Variants in ILKAP observed in about 807,000 individuals in gnomAD.
ILKAP encodes the protein ILK associated serine/threonine phosphatase.
In ILKAP, 11 loss-of-function variants were observed where a neutral mutation model predicts 49.1. The ratio of observed to expected loss-of-function variants is 0.22; its 90% CI spans 0.14 to 0.37. The LOEUF is 0.37. Among genes scored for constraint, ILKAP ranks in the 10% least tolerant of loss-of-function variants. The pLI, the probability that ILKAP is intolerant of heterozygous loss-of-function variation, is 1.00. For synonymous variants in ILKAP, 186 were observed against 192.8 expected (o/e 0.96, Z 0.29); for missense variants, 363 against 510.8 (o/e 0.71, Z 2.79).
chr2:238,173,762 G>C, intron 9 of ILKAP, 109 bp from the exon 10 acceptor site: 1 of 1,259,044 alleles, frequency 7.9e-7, no homozygotes, highest in African/African-American at 1.5e-5. Flanking sequence ...GATACAGACT[G>C]TGGAATTCAC....
chr2:238,182,035 C>T, intron 9 of ILKAP, 30 bp downstream of exon 9: 1 of 1,611,076 alleles, frequency 6.2e-7, no homozygotes, highest in Non-Finnish European at 8.5e-7. Flanking sequence ...AGCCCTCCTT[C>T]CCATGAGCTC....
chr2:238,184,343 C>T (rs1396857671), intron 6 of ILKAP, among the ~76,000 whole-genome samples: 1 of 152,126 alleles, frequency 6.6e-6, no homozygotes, highest in Non-Finnish European at 1.5e-5. Flanking sequence ...GCGCGCGCAA[C>T]CATGCCAGGC....
intron 1 of ILKAP, among the ~76,000 whole-genome samples, chr2:238,199,404 G>A (rs1367370321): frequency 6.6e-6 from 1 of 152,182 alleles, no homozygotes; most frequent in Non-Finnish European, 1.5e-5. Flanking sequence ...AGTCTACTTC[G>A]CTACACATTC....
rs771871057 is a variant in ILKAP, at chr2:238,170,451, G to C, written c.*85C>G. 13 of 1,398,402 alleles carry C rather than the reference G, an allele frequency of 9.3e-6. No homozygotes were observed. The highest frequency in any genetic ancestry group is 1.2e-5 in the Non-Finnish European group (12 of 1,030,430). The allele number at this position is 1,398,402 out of a possible 1,614,324, so 86.6% of individuals were successfully genotyped here. A position where few individuals can be genotyped will look rare whatever the true frequency, so the allele number is the denominator to read the frequency against. On this transcript the variant is annotated 3_prime_UTR_variant, in exon 12 of 12. Transcript: ENST00000254654. ...ATTTACAACCATGGGAGTCCCACAG[G>C]AGTACACAAAACACACAATGTGCAC...
In ILKAP at chr2:238,189,904, C is replaced by G. The variant is rs375948527; in HGVS notation, c.247G>C (p.Glu83Gln). The G allele has an allele frequency of 5.6e-6, 9 of 1,613,860 alleles. No individual in the cohort carries two copies. The highest frequency in any genetic ancestry group is 6.8e-6 in the Non-Finnish European group (8 of 1,179,892). ...EGKGAKRKTS[E>Q]EEKNGSEELV... ...TCTTCACTGCCATTCTTCTCTTCCT[C>G]GGAGGTTTTTCTCTTTGCTCCTTTC... Residue 83 changes from glutamate (E) to glutamine (Q), a missense_variant, in exon 4 of 12, where the codon GAG becomes CAG. Glu to Gln is a conservative substitution (Grantham distance 29). Around this residue, in one of 3 missense-constraint regions of ILKAP, gnomAD observed 114 missense variants for 116.0 expected, o/e 0.98. Coordinates refer to ENST00000254654, the MANE Select transcript of ILKAP (RefSeq NM_030768.3).
At chr2:238,202,832 T>A (rs141572693) in intron 1 of ILKAP, among the ~76,000 whole-genome samples, 6 of 149,438 alleles carry the variant, frequency 4.0e-5, no homozygotes. Flanking sequence ...GGCCAGCGCT[T>A]AGGAGATGAG....
chr2:238,185,202 A>C lies in ILKAP; in HGVS notation c.511T>G (p.Leu171Val). 6.2e-7 allele frequency: 1 copy of C among 1,611,854 alleles called. No individual in the cohort carries two copies. Among genetic ancestry groups the C allele is most frequent in the Non-Finnish European group, 8.5e-7 (1 of 1,178,014 alleles). The change falls in exon 6 of 12, where the codon TTA becomes GTA. Residue 171 changes from leucine (L) to valine (V), a missense_variant. By Grantham distance (32) the Leu-to-Val change is conservative (BLOSUM62 1). Coordinates refer to ENST00000254654, the MANE Select transcript of ILKAP (RefSeq NM_030768.3). The part of the protein sequence containing the change: ...KFAAQNLHQN[L>V]IRKFPKGDVI... ...TCACCTTTAGGAAATTTTCTGATTA[A>C]GTTTTGATGCAAATTCTGTGCAGCA...
In ILKAP at chr2:238,196,078, C is replaced by T. The variant is rs1397357203; in HGVS notation, c.56-1208G>A. Among the ~76,000 whole-genome samples the T allele has an allele frequency of 8.4e-5, 11 of 131,108 alleles. No homozygotes were observed. In the East Asian group the frequency reaches 2.5e-3, roughly 29 times the overall value. The allele number at this position is 131,108 out of a possible 152,430, so 86.0% of individuals were successfully genotyped here. A position where few individuals can be genotyped will look rare whatever the true frequency, so the allele number is the denominator to read the frequency against. On this transcript the variant is annotated intron_variant, in intron 1 of 11. Transcript: ENST00000254654. Reference sequence around the variant, plus strand: ...AAAAAAAAAAGTACTCACTTAAAAACCAATTCACTTTTTTTTTTTTTTTTT... The same window carrying T: ...AAAAAAAAAAGTACTCACTTAAAAATCAATTCACTTTTTTTTTTTTTTTTT...
intron 9 of ILKAP, among the ~76,000 whole-genome samples, chr2:238,176,134 G>C (rs1240229824): frequency 2.9e-5 from 1 of 33,920 alleles, no homozygotes; most frequent in Non-Finnish European, 5.1e-5. Flanking sequence ...GCAAGTAGTG[G>C]CTTTTTTTTT....
rs1407679300 is a variant in ILKAP at position 238,170,527 on chromosome 2, C to T, written c.*9G>A. The T allele has an allele frequency of 6.3e-6, 10 of 1,583,538 alleles. No individual in the cohort carries two copies. The East Asian group carries it at 6.8e-5, about 11-fold the overall frequency. ...AATACCATGCGTGCTCCTGGCCGCG[C>T]GCCACCCCTCAGTGCCCTATCCGCA... is the stretch of plus-strand genomic sequence containing the variant. On this transcript the variant is annotated 3_prime_UTR_variant, in exon 12 of 12. Transcript: ENST00000254654.
intron 5 of ILKAP, among the ~76,000 whole-genome samples, chr2:238,187,360 A>AAAG (rs1278454321): frequency 6.6e-6 from 1 of 152,168 alleles, no homozygotes; most frequent in Non-Finnish European, 1.5e-5. Flanking sequence ...CATCAGCCCA[A>AAAG]ACGGCTCCAG....
At chr2:238,193,246 A>T (rs201458118) in intron 3 of ILKAP, among the ~76,000 whole-genome samples, 1 of 151,940 alleles carries the variant, frequency 6.6e-6, no homozygotes, top group Admixed American at 6.6e-5. Context: ...TTGGAGACAG[A>T]GTCTTTCTCT....
At chr2:238,190,004 C>A (rs1401255375) in intron 3 of ILKAP, 32 bp from the exon 4 acceptor site, 12 of 1,607,516 alleles carry the variant, frequency 7.5e-6, no homozygotes, top group Non-Finnish European at 8.5e-6. Context: ...GACAGAAACA[C>A]AGCTGTAGAC....
Position 238,203,548 on chromosome 2 carries a change from G to A in ILKAP, c.6C>T (p.Asp2=), listed in dbSNP as rs1231984047. M[D]LFGDLPEPER... ...CGGGCTCCGGCAGGTCCCCGAAGAG[G>A]TCCATGGCGGAGGCTGGGTGGAGGC... Residue 2 remains aspartate (D), a synonymous_variant, in exon 1 of 12, where the codon GAC becomes GAT. Transcript: ENST00000254654. 41 of 1,177,588 alleles carry A rather than the reference G, an allele frequency of 3.5e-5. No individual in the cohort carries two copies. The highest frequency in any genetic ancestry group is 4.1e-5 in the Non-Finnish European group (39 of 949,570). The allele number at this position is 1,177,588 out of a possible 1,614,324, so 72.9% of individuals were successfully genotyped here.
At chr2:238,192,041 T>C (rs998764175) in intron 3 of ILKAP, among the ~76,000 whole-genome samples, 1 of 133,514 alleles carries the variant, frequency 7.5e-6, no homozygotes, top group East Asian at 2.2e-4. Flanking sequence ...TGAAACCCCG[T>C]CTCTACTGAA....
rs374413092 is a variant in ILKAP at position 238,194,295 on chromosome 2, G to A, written c.158C>T (p.Pro53Leu). The A allele has an allele frequency of 1.2e-6, 2 of 1,613,764 alleles. No homozygotes were observed. Among genetic ancestry groups the A allele is most frequent in the African/African-American group, 1.3e-5 (1 of 74,878 alleles). The change falls in exon 3 of 12, where the codon CCC (proline) becomes CTC (leucine). Residue 53 changes from proline (P) to leucine (L), a missense_variant. By Grantham distance (98) the Pro-to-Leu change is moderately conservative. Transcript: ENST00000254654. ...CTTACCTGAATCGCCACTGCTAGCG[G>A]GTGGGAGATCATCAAAAAGCAAAGG... ...GGPLLFDDLPPASSGDSGSLA... is the reference protein window; with the variant it reads ...GGPLLFDDLPLASSGDSGSLA...
chr2:238,192,877 G>T (rs148961520), intron 3 of ILKAP, among the ~76,000 whole-genome samples: 1,575 of 152,020 alleles, frequency 0.01, 29 homozygotes, highest in African/African-American at 0.036. Context: ...GCCAGGCATG[G>T]TGGCACACGC....
chr2:238,203,358 C>G (rs1694657223), intron 1 of ILKAP, 141 bp downstream of exon 1: 4 of 222,370 alleles, frequency 1.8e-5, no homozygotes. Flanking sequence ...CGGGGCCTGG[C>G]CAGGCAGGAG....
At position 238,184,061 on chromosome 2, in the gene ILKAP, G is replaced by GA; in HGVS notation, c.584dup (p.Lys196GlnfsTer4). 1 of 1,611,760 alleles carries GA rather than the reference G, an allele frequency of 6.2e-7. No homozygotes were observed. The highest frequency in any genetic ancestry group is 8.5e-7 in the Non-Finnish European group (1 of 1,177,844). Reference sequence around the variant, plus strand: ...TAAGGAACTCTTCATCAGTATGCTTGAAAGTGTCCAAAAGGCATCTCTTCA... The same window carrying GA: ...TAAGGAACTCTTCATCAGTATGCTTGAAAAGTGTCCAAAAGGCATCTCTTCA... On this transcript the variant is annotated frameshift_variant, in exon 7 of 12. Transcript: ENST00000254654. LOFTEE classifies it high-confidence loss of function.
Sources: gnomAD v4.1 joint callset for allele counts (sites outside exome capture counted in the v4.1 genomes callset) on GRCh38, gnomAD v4.1.1 for gene constraint, gnomAD v4.1.1 regional missense constraint, MANE v1.5 for transcripts, NCBI Gene and HGNC (gene_info 2026-07-23, HGNC 2026-07-21) for gene names.